Variants in TMEM87B observed in about 807,000 individuals in gnomAD.
TMEM87B encodes the protein transmembrane protein 87B.
A neutral mutation model predicts 80.3 loss-of-function variants in TMEM87B; 83 were observed. The observed-to-expected ratio is 1.03, with a 90% confidence interval of 0.87 to 1.24. TMEM87B has a LOEUF of 1.24. Among genes scored for constraint, TMEM87B ranks in the 50% most tolerant of loss-of-function variants. The pLI, the probability that TMEM87B is intolerant of heterozygous loss-of-function variation, is 0.00. For missense variants in TMEM87B, 625 were observed against 674.4 expected (o/e 0.93, Z 0.81); for synonymous variants, 219 against 230.5 (o/e 0.95, Z 0.45).
chr2:112,100,653 G>A lies in TMEM87B; in HGVS notation c.1408G>A (p.Asp470Asn). 5 of 1,610,072 alleles carry A rather than the reference G, an allele frequency of 3.1e-6. No homozygotes were observed. The highest frequency in any genetic ancestry group is 4.2e-6 in the Non-Finnish European group (5 of 1,177,478). Residue 470 changes from aspartate to asparagine, a missense_variant, in exon 15 of 19, where the codon GAT (aspartate) becomes AAT (asparagine). Transcript: ENST00000283206. ...CTTCATGCCCTTAATAGATGATTCT[G>A]ATGATGAAATTGAGGAATTCATGGT... ...YAFMPLIDDS[D>N]DEIEEFMVTS...
chr2:112,080,288 C>G (rs1678953395), intron 6 of TMEM87B, among the ~76,000 whole-genome samples: 1 of 136,336 alleles, frequency 7.3e-6, no homozygotes. Flanking sequence ...GAGACGGAGT[C>G]TTGCTCTGTC....
chr2:112,055,778 A>T, intron 1 of TMEM87B, 22 bp downstream of exon 1: 1 of 1,454,224 alleles, frequency 6.9e-7, no homozygotes. Context: ...GTCGGGACCC[A>T]GGCGTGGCAC....
chr2:112,059,278 G>T (rs1405842894), intron 1 of TMEM87B, among the ~76,000 whole-genome samples: 1 of 152,010 alleles, frequency 6.6e-6, no homozygotes, highest in Non-Finnish European at 1.5e-5. Context: ...TTGTGGAAAG[G>T]TTGTGAAGAA....
rs779310207 is a variant in TMEM87B, at chr2:112,106,017, TA to T, written c.1468del (p.Arg490GlufsTer23). ...TCTCTCGTAGCCGAAGGAATAAAAT[TA>T]AGAGCCTCAAAATCAGTTTCCAATG... ...TSENLTEGIK[L>X]RASKSVSNGT... On this transcript the variant is annotated frameshift_variant, in exon 16 of 19. Coordinates refer to ENST00000283206, the MANE Select transcript of TMEM87B (RefSeq NM_032824.3). LOFTEE classifies it high-confidence loss of function. 6.4e-7 allele frequency: 1 copy of T among 1,571,846 alleles called. No homozygotes were observed. Among genetic ancestry groups the T allele is most frequent in the South Asian group, 1.2e-5 (1 of 83,220 alleles).
At position 112,068,409 on chromosome 2, in the gene TMEM87B, A is replaced by G. The variant is rs571412812; in HGVS notation, c.450+1342A>G. Among the ~76,000 whole-genome samples the G allele has an allele frequency of 2.0e-4, 30 of 152,326 alleles. 1 individual carries two copies. The highest frequency in any genetic ancestry group is 6.8e-3 in the Middle Eastern group (2 of 294). On this transcript the variant is annotated intron_variant, in intron 4 of 18. Coordinates refer to ENST00000283206, the MANE Select transcript of TMEM87B (RefSeq NM_032824.3). ...AAAGTACACATCAGTGTACTCCTCA[A>G]TGAATTTTTAAAAGGCCAGGCACAA...
At chr2:112,102,226 C>T (rs1469640610) in intron 15 of TMEM87B, among the ~76,000 whole-genome samples, 1 of 152,122 alleles carries the variant, frequency 6.6e-6, no homozygotes, top group African/African-American at 2.4e-5. Flanking sequence ...TTATAGACCA[C>T]TTATAGACCA....
chr2:112,068,620 C>T lies in TMEM87B; in HGVS notation c.450+1553C>T, dbSNP rs572577404. ...TTGGGAGGCTGAGGCAGGAGAATGG[C>T]GTGAACTCGGGAGGTGGAGCTTGCA... is the stretch of plus-strand genomic sequence containing the variant. On this transcript the variant is annotated intron_variant, in intron 4 of 18. Transcript: ENST00000283206. 1.1e-4 allele frequency among the ~76,000 whole-genome samples: 17 copies of T among 151,856 alleles called. No homozygotes were observed. The East Asian group carries it at 1.2e-3, about 11-fold the overall frequency.
chr2:112,078,064 G>A (rs1290001565), intron 6 of TMEM87B, among the ~76,000 whole-genome samples: 1 of 152,148 alleles, frequency 6.6e-6, no homozygotes, highest in Non-Finnish European at 1.5e-5. Flanking sequence ...CATGGCCCTT[G>A]GAGGGAAGCT....
rs778716731 is a variant in TMEM87B, at chr2:112,107,792, A to T, written c.1529A>T (p.Glu510Val). The T allele has an allele frequency of 3.2e-6, 5 of 1,572,854 alleles. No individual in the cohort carries two copies. Among genetic ancestry groups the T allele is most frequent in the Non-Finnish European group, 1.7e-6 (2 of 1,151,164 alleles). The change falls in exon 17 of 19, where the codon GAA (glutamate) becomes GTA (valine). Residue 510 changes from glutamate (E) to valine (V), a missense_variant. Transcript: ENST00000283206. The stretch of plus-strand genomic sequence containing the variant: ...TAAGTATAAATATTTCTACAGGATG[A>T]AGATTTGAAGTGGGTAGAAGAAAAT... ...AKPATSENFD[E>V]DLKWVEENIP... is the part of the protein sequence containing the mutation.
chr2:112,116,538 T>C lies in TMEM87B; in HGVS notation c.*395T>C, dbSNP rs568123135. 6.3e-6 allele frequency: 1 copy of C among 158,782 alleles called. No individual in the cohort carries two copies. Among genetic ancestry groups the C allele is most frequent in the South Asian group, 2.0e-4 (1 of 5,116 alleles). The allele number at this position is 158,782 out of a possible 1,614,324, so 9.8% of individuals were successfully genotyped here. ...CTTCTAGTCACCTTTGAGGTAGATA[T>C]TGTGATTTTCTGGAGTATAGTATAT... On this transcript the variant is annotated 3_prime_UTR_variant, in exon 19 of 19. Transcript: ENST00000283206.
At chr2:112,097,748 C>T (rs1472159932) in intron 13 of TMEM87B, among the ~76,000 whole-genome samples, 1 of 150,918 alleles carries the variant, frequency 6.6e-6, no homozygotes, top group African/African-American at 2.4e-5. Flanking sequence ...CTTTTAACTC[C>T]TCCAAGTGAG....
chr2:112,094,938 A>AT (rs984687634), intron 11 of TMEM87B, among the ~76,000 whole-genome samples: 2 of 151,936 alleles, frequency 1.3e-5, no homozygotes, highest in African/African-American at 4.8e-5. Context: ...GAAAAAAAAA[A>AT]GCAGAACTAA....
chr2:112,074,119 G>T (rs1385686584), intron 4 of TMEM87B, among the ~76,000 whole-genome samples: 2 of 152,106 alleles, frequency 1.3e-5, no homozygotes, highest in Non-Finnish European at 1.5e-5. Context: ...TCATCATGTT[G>T]TTAGCTGGTT....
At chr2:112,077,141 A>G (rs751962242) in intron 5 of TMEM87B, 51 bp from the exon 6 acceptor site, 1 of 953,534 alleles carries the variant, frequency 1.0e-6, no homozygotes. Context: ...CAGCTATATT[A>G]CATAGCAATT....
At chr2:112,059,440 A>T (rs900354871) in intron 1 of TMEM87B, among the ~76,000 whole-genome samples, 1 of 151,740 alleles carries the variant, frequency 6.6e-6, no homozygotes, top group African/African-American at 2.4e-5. Flanking sequence ...TTTTAAAGTA[A>T]ATTTTTCAGG....
chr2:112,105,765 C>A, intron 15 of TMEM87B: 1 of 373,536 alleles, frequency 2.7e-6, no homozygotes, highest in Non-Finnish European at 4.7e-6. Flanking sequence ...AACTAGGATT[C>A]AAACAAGAAA....
intron 1 of TMEM87B, 38 bp downstream of exon 1, chr2:112,055,794 G>C: frequency 3.5e-6 from 5 of 1,447,216 alleles, no homozygotes; most frequent in Non-Finnish European, 4.5e-6. Context: ...GGCACGTCTC[G>C]GGCCGTCAGG....
In TMEM87B at chr2:112,090,479, C is replaced by T. The variant is rs76443286; in HGVS notation, c.1032+761C>T. 5.7e-3 allele frequency among the ~76,000 whole-genome samples: 862 copies of T among 151,968 alleles called. 5 individuals carry two copies. Among genetic ancestry groups the T allele is most frequent in the Middle Eastern group, 0.027 (8 of 294 alleles). On this transcript the variant is annotated intron_variant, in intron 10 of 18. Transcript: ENST00000283206. ...AGGCTGGGGTGCAGTGGTGCAGTGG[C>T]GCAGTGGCATGATCATGGCTCACTG...
intron 15 of TMEM87B, among the ~76,000 whole-genome samples, chr2:112,103,610 C>A (rs140655573): frequency 6.6e-6 from 1 of 152,022 alleles, no homozygotes; most frequent in Non-Finnish European, 1.5e-5. Flanking sequence ...CAGACAAGTC[C>A]GTAGAGGCGG....
Sources: allele counts gnomAD v4.1 joint callset (sites outside exome capture counted in the v4.1 genomes callset), GRCh38; gene constraint gnomAD v4.1.1; transcripts MANE v1.5; gene names NCBI Gene and HGNC (gene_info 2026-07-23, HGNC 2026-07-21).